The following RFTN1 variants were observed in gnomAD, a reference collection of about 807,000 sequenced individuals.
RFTN1 encodes the protein raftlin.
In RFTN1, 26 loss-of-function variants were observed where a neutral mutation model predicts 46.5. The observed-to-expected ratio is 0.56, with a 90% CI of 0.41 to 0.78. The LOEUF is 0.78. RFTN1 is among the 30% of genes least tolerant of loss of function. The pLI is 0.00. For missense variants in RFTN1, 693 were observed against 718.7 expected, an observed-to-expected ratio of 0.96 and a Z score of 0.41; for synonymous variants, 261 against 284.2, an observed-to-expected ratio of 0.92 and a Z score of 0.82.
chr3:16,371,710 T>G (rs766838655), intron 5 of RFTN1, among the ~76,000 whole-genome samples: 2 of 152,218 alleles, frequency 1.3e-5, no homozygotes, highest in Non-Finnish European at 2.9e-5. Flanking sequence ...TGCCCGTCTT[T>G]GGAAGTGGCC....
chr3:16,368,166 G>A (rs1023903425), intron 6 of RFTN1, among the ~76,000 whole-genome samples: 3 of 152,038 alleles, frequency 2.0e-5, no homozygotes, highest in Admixed American at 1.3e-4. Flanking sequence ...GGCCTTCTCT[G>A]ACACTGATAT....
chr3:16,456,573 G>C (rs2075909475), intron 2 of RFTN1, among the ~76,000 whole-genome samples: 1 of 152,112 alleles, frequency 6.6e-6, no homozygotes, highest in Non-Finnish European at 1.5e-5. Flanking sequence ...TCTTAGAAAA[G>C]GATTACAGAA....
In RFTN1 at chr3:16,506,129, T is replaced by C. The variant is rs115272374; in HGVS notation, c.-9+7313A>G. On this transcript the variant is annotated intron_variant, in intron 1 of 9. Transcript: ENST00000334133. The surrounding 1 kb of genome is among the most constrained non-coding windows in gnomAD (Gnocchi z 4.8). ...GGGATAGCAATCACAGGAGGAGGTA[T>C]AGTGTTTTAAATACGGGGATTGGGA... 6.1e-3 allele frequency among the ~76,000 whole-genome samples: 926 copies of C among 152,004 alleles called. 8 individuals are homozygous for C. The highest frequency in any genetic ancestry group is 0.021 in the African/African-American group (881 of 41,432).
intron 2 of RFTN1, among the ~76,000 whole-genome samples, chr3:16,461,916 T>C (rs900462910): frequency 2.0e-5 from 3 of 152,222 alleles, no homozygotes; most frequent in Non-Finnish European, 2.9e-5. Flanking sequence ...TGTTATACTC[T>C]TAATAATCCA....
intron 2 of RFTN1, among the ~76,000 whole-genome samples, chr3:16,445,826 T>C (rs1372117233): frequency 2.0e-5 from 3 of 152,198 alleles, no homozygotes; most frequent in African/African-American, 7.2e-5. Context: ...TCAAAGTATA[T>C]TTCCATTGGA....
At chr3:16,478,896 G>A (rs1434168155) in intron 2 of RFTN1, among the ~76,000 whole-genome samples, 2 of 152,290 alleles carry the variant, frequency 1.3e-5, no homozygotes, top group East Asian at 1.9e-4. Flanking sequence ...AAGAGAGAGC[G>A]GGAGAGTGCA....
In RFTN1 at chr3:16,480,981, A is replaced by G. The variant is rs1377442277; in HGVS notation, c.145+12744T>C. ...CTGCTTGGGTTACACACATATGCAC[A>G]TGCACACACACACACAGACACACAC... On this transcript the variant is annotated intron_variant, in intron 2 of 9. Transcript: ENST00000334133. This position sits in a 1 kb window ranked among gnomAD's most constrained non-coding sequence, Gnocchi z 4.3. Among the ~76,000 whole-genome samples, 1 of 137,264 alleles carries G rather than the reference A, an allele frequency of 7.3e-6. No homozygotes were observed. Among genetic ancestry groups the G allele is most frequent in the Non-Finnish European group, 1.6e-5 (1 of 64,110 alleles). 90.1% of individuals were successfully genotyped at this position (137,264 alleles called of 152,430 possible). A position where few individuals can be genotyped will look rare whatever the true frequency, so the allele number is the denominator to read the frequency against.
rs900053113 is a variant in RFTN1, at chr3:16,450,519, A to G, written c.146-16482T>C. Among the ~76,000 whole-genome samples the G allele has an allele frequency of 2.0e-5, 3 of 152,162 alleles. No individual in the cohort carries two copies. Among genetic ancestry groups the G allele is most frequent in the African/African-American group, 7.2e-5 (3 of 41,430 alleles). On this transcript the variant is annotated intron_variant, in intron 2 of 9. Transcript: ENST00000334133. This position sits in a 1 kb window ranked among gnomAD's most constrained non-coding sequence, Gnocchi z 4.6. ...GTCCACCAGCATCCTGTTCAGGTTA[A>G]CATGTCTCCCATGTCTATGCTCCCT...
In RFTN1 at chr3:16,490,876, G is replaced by A. The variant is rs564389805; in HGVS notation, c.145+2849C>T. Among the ~76,000 whole-genome samples the A allele has an allele frequency of 9.4e-4, 143 of 152,214 alleles. 1 individual carries two copies. The highest frequency in any genetic ancestry group is 9.8e-4 in the Admixed American group (15 of 15,298). Reference sequence around the variant, plus strand: ...ACACCTCACTGTACAATGTTAAGTCGCATAAAAGCAGGATTCAAAAATACA... The same window carrying A: ...ACACCTCACTGTACAATGTTAAGTCACATAAAAGCAGGATTCAAAAATACA... On this transcript the variant is annotated intron_variant, in intron 2 of 9. Coordinates refer to ENST00000334133, the MANE Select transcript of RFTN1 (RefSeq NM_015150.2).
chr3:16,380,906 G>A lies in RFTN1; in HGVS notation c.442-2804C>T, dbSNP rs1193976087. 2.6e-5 allele frequency among the ~76,000 whole-genome samples: 4 copies of A among 152,122 alleles called. No homozygotes were observed. Among genetic ancestry groups the A allele is most frequent in the Non-Finnish European group, 4.4e-5 (3 of 68,030 alleles). Reference sequence around the variant, plus strand: ...GATGAATATGTATGCCTTCTCTCCCGAAATGAGCTCCTTGAAGGTAGGGAT... The same window carrying A: ...GATGAATATGTATGCCTTCTCTCCCAAAATGAGCTCCTTGAAGGTAGGGAT... On this transcript the variant is annotated intron_variant, in intron 4 of 9. Transcript: ENST00000334133. This position sits in a 1 kb window ranked among gnomAD's most constrained non-coding sequence, Gnocchi z 4.8.
In RFTN1 at chr3:16,421,477, G is replaced by A. The variant is rs2125469249; in HGVS notation, c.333-11994C>T. 6.6e-6 allele frequency among the ~76,000 whole-genome samples: 1 copy of A among 152,154 alleles called. No homozygotes were observed. The highest frequency in any genetic ancestry group is 2.1e-4 in the South Asian group (1 of 4,818). On this transcript the variant is annotated intron_variant, in intron 3 of 9. Transcript: ENST00000334133. This position sits in a 1 kb window ranked among gnomAD's most constrained non-coding sequence, Gnocchi z 4.6. ...AGTGATTCTCCTGCCTCAGCCCCCGGAGTAGCTGGGACTACAGGTGCATGC... is the reference window on the plus strand; with the variant it reads ...AGTGATTCTCCTGCCTCAGCCCCCGAAGTAGCTGGGACTACAGGTGCATGC...
At chr3:16,486,390 C>T (rs756544188) in intron 2 of RFTN1, among the ~76,000 whole-genome samples, 1 of 152,136 alleles carries the variant, frequency 6.6e-6, no homozygotes, top group Non-Finnish European at 1.5e-5. Context: ...CAGCCCAACA[C>T]CTAAGACCTT....
At position 16,320,895 on chromosome 3, in the gene RFTN1, A is replaced by G. The variant is rs1021277434; in HGVS notation, c.1332+2481T>C. Among the ~76,000 whole-genome samples the G allele has an allele frequency of 8.5e-5, 13 of 152,232 alleles. No individual in the cohort carries two copies. The highest frequency in any genetic ancestry group is 3.1e-4 in the African/African-American group (13 of 41,474). ...TAGAACTCCTTTGAGCAGTGGGATG[A>G]CAGGATTCAAGTTCCCTTTTTAACA... On this transcript the variant is annotated intron_variant, in intron 9 of 9. Transcript: ENST00000334133. This position sits in a 1 kb window ranked among gnomAD's most constrained non-coding sequence, Gnocchi z 4.5.
At position 16,337,255 on chromosome 3, in the gene RFTN1, T is replaced by G. The variant is rs1194978578; in HGVS notation, c.1147-10379A>C. The G allele has an allele frequency of 6.6e-6, 1 of 152,238 alleles. No individual in the cohort carries two copies. Among genetic ancestry groups the G allele is most frequent in the African/African-American group, 2.4e-5 (1 of 41,458 alleles). The allele number at this position is 152,238 out of a possible 1,614,324, so 9.4% of individuals were successfully genotyped here. On this transcript the variant is annotated intron_variant, in intron 7 of 9. Coordinates refer to ENST00000334133, the MANE Select transcript of RFTN1 (RefSeq NM_015150.2). The surrounding 1 kb of genome is among the most constrained non-coding windows in gnomAD (Gnocchi z 5.0). ...CCCATCAGCGCCTGCAGGCACATGC[T>G]GAGATTAGTCGATTTCCTAAAAGTT...
rs10560544 is a variant in RFTN1 at position 16,465,419 on chromosome 3, GAC to G, written c.145+28304_145+28305del. On this transcript the variant is annotated intron_variant, in intron 2 of 9. Transcript: ENST00000334133. This position sits in a 1 kb window ranked among gnomAD's most constrained non-coding sequence, Gnocchi z 5.1. ...CCAACAGAGGTTGGCAGCTCAGAGGGACACACACACACACACACACACACACA... is the reference window on the plus strand; with the variant it reads ...CCAACAGAGGTTGGCAGCTCAGAGGGACACACACACACACACACACACACA... Among the ~76,000 whole-genome samples the G allele has an allele frequency of 0.068, 9,645 of 142,856 alleles. 937 individuals carry two copies. The highest frequency in any genetic ancestry group is 0.22 in the African/African-American group (8,681 of 39,214). 93.7% of individuals were successfully genotyped at this position (142,856 alleles called of 152,430 possible).
In RFTN1 at chr3:16,499,622, G is replaced by A. The variant is rs1050848547; in HGVS notation, c.-8-5745C>T. On this transcript the variant is annotated intron_variant, in intron 1 of 9. Transcript: ENST00000334133. The surrounding 1 kb of genome is among the most constrained non-coding windows in gnomAD (Gnocchi z 4.9). Reference sequence around the variant, plus strand: ...AGATTCCTGAGCAAAATAAGCTACTGTTGTTGTTTTAAGCTTCTAAGTTTT... The same window carrying A: ...AGATTCCTGAGCAAAATAAGCTACTATTGTTGTTTTAAGCTTCTAAGTTTT... Among the ~76,000 whole-genome samples the A allele has an allele frequency of 1.3e-5, 2 of 152,212 alleles. No homozygotes were observed. Among genetic ancestry groups the A allele is most frequent in the Non-Finnish European group, 2.9e-5 (2 of 68,038 alleles).
Position 16,315,854 on chromosome 3 carries a change from A to C in RFTN1, c.*974T>G, listed in dbSNP as rs1300838871. ...GATAAACACTCAATCCTCACGGTGC[A>C]CTAACTCATAGATGATTTATTGCCG... On this transcript the variant is annotated 3_prime_UTR_variant, in exon 10 of 10. Transcript: ENST00000334133. 6.6e-6 allele frequency: 1 copy of C among 152,266 alleles called. No individual in the cohort carries two copies. The highest frequency in any genetic ancestry group is 1.5e-5 in the Non-Finnish European group (1 of 68,064). 9.4% of individuals were successfully genotyped at this position (152,266 alleles called of 1,614,324 possible).
At position 16,489,040 on chromosome 3, in the gene RFTN1, T is replaced by TA. The variant is rs1468248218; in HGVS notation, c.145+4684dup. ...ACAACATAAATCAATCTTAAATGAG[T>TA]AAGTTGAGTGAATGAGAAGAGCTAG... On this transcript the variant is annotated intron_variant, in intron 2 of 9. Coordinates refer to ENST00000334133, the MANE Select transcript of RFTN1 (RefSeq NM_015150.2). This position sits in a 1 kb window ranked among gnomAD's most constrained non-coding sequence, Gnocchi z 4.0. Among the ~76,000 whole-genome samples the TA allele has an allele frequency of 6.6e-6, 1 of 151,882 alleles. No individual in the cohort carries two copies. The highest frequency in any genetic ancestry group is 1.9e-4 in the East Asian group (1 of 5,178).
rs1249133648 is a variant in RFTN1, at chr3:16,345,961, G to GA, written c.1146+11970_1146+11971insT. On this transcript the variant is annotated intron_variant, in intron 7 of 9. Coordinates refer to ENST00000334133, the MANE Select transcript of RFTN1 (RefSeq NM_015150.2). The surrounding 1 kb of genome is among the most constrained non-coding windows in gnomAD (Gnocchi z 5.2). Reference sequence around the variant, plus strand: ...AATATTTTAAACCGCATTTGTCACAGGATTTTGAAAACGTGATCATTTGTT... The same window carrying GA: ...AATATTTTAAACCGCATTTGTCACAGAGATTTTGAAAACGTGATCATTTGTT... 1 of 152,102 alleles carries GA rather than the reference G, an allele frequency of 6.6e-6. No homozygotes were observed. The highest frequency in any genetic ancestry group is 1.5e-5 in the Non-Finnish European group (1 of 68,028). The allele number at this position is 152,102 out of a possible 1,614,324, so 9.4% of individuals were successfully genotyped here. A position where few individuals can be genotyped will look rare whatever the true frequency, so the allele number is the denominator to read the frequency against.
Sources: allele counts gnomAD v4.1 joint callset (sites outside exome capture counted in the v4.1 genomes callset), GRCh38; gene constraint gnomAD v4.1.1; non-coding constraint Gnocchi (gnomAD v3.1); transcripts MANE v1.5; gene names NCBI Gene and HGNC (gene_info 2026-07-23, HGNC 2026-07-21).